The following LRRC8D variants were observed in gnomAD, a reference collection of about 807,000 sequenced individuals.
LRRC8D encodes the protein leucine rich repeat containing 8 VRAC subunit D, also known as volume-regulated anion channel subunit LRRC8D.
Under a neutral mutation model 55.8 loss-of-function variants are expected in LRRC8D, and 20 were observed. That is an observed-to-expected ratio of 0.36 (90% CI 0.25 to 0.52). The LOEUF is 0.52. Ranked by LOEUF, LRRC8D falls within the 20% of genes least tolerant of loss-of-function variation. The pLI, the probability that LRRC8D is intolerant of heterozygous loss-of-function variation, is 0.93. For synonymous variants in LRRC8D, 352 were observed against 377.0 expected, an observed-to-expected ratio of 0.93 and a Z score of 0.77; for missense variants, 651 against 1,030.8, an observed-to-expected ratio of 0.63 and a Z score of 5.05.
At position 89,933,718 on chromosome 1, in the gene LRRC8D, C is replaced by T; in HGVS notation, c.650C>T (p.Ala217Val). 6.2e-7 allele frequency: 1 copy of T among 1,614,112 alleles called. No homozygotes were observed. Among genetic ancestry groups the T allele is most frequent in the Non-Finnish European group, 8.5e-7 (1 of 1,180,018 alleles). The part of the protein sequence containing the change: ...PWTTKALSET[A>V]CEDSEENKQR... ...ACGACAAAAGCGTTGTCTGAGACAGCATGCGAAGACTCAGAGGAAAACAAG... is the reference window on the plus strand; with the variant it reads ...ACGACAAAAGCGTTGTCTGAGACAGTATGCGAAGACTCAGAGGAAAACAAG... The change falls in exon 3 of 3, where the codon GCA (alanine) becomes GTA (valine). Residue 217 changes from alanine to valine, a missense_variant. Around this residue, in one of 5 missense-constraint regions of LRRC8D, gnomAD observed 178 missense variants for 374.9 expected, o/e 0.47. Transcript: ENST00000337338. The surrounding 1 kb of genome is among the most constrained non-coding windows in gnomAD (Gnocchi z 7.0).
intron 1 of LRRC8D, among the ~76,000 whole-genome samples, chr1:89,838,795 A>G (rs568359013): frequency 6.6e-6 from 1 of 152,222 alleles, no homozygotes; most frequent in African/African-American, 2.4e-5. Context: ...CAGTTTGATC[A>G]GTGGATCAGT....
chr1:89,890,198 T>TAAATA lies in LRRC8D; in HGVS notation c.-2-42855_-2-42851dup, dbSNP rs1553126658. Among the ~76,000 whole-genome samples the TAAATA allele has an allele frequency of 1.6e-4, 24 of 151,804 alleles. 3 individuals are homozygous for TAAATA. The highest frequency in any genetic ancestry group is 5.8e-4 in the African/African-American group (24 of 41,340). On this transcript the variant is annotated intron_variant, in intron 2 of 2. Transcript: ENST00000337338. Reference sequence around the variant, plus strand: ...GCAAGACTCTGTCTCAATAAATAAATAAATAAAATAAAATAAAAGCCTTGA... The same window carrying TAAATA: ...GCAAGACTCTGTCTCAATAAATAAATAAATAAAATAAAATAAAATAAAAGCCTTGA...
At chr1:89,843,023 TG>T (rs1208402013) in intron 1 of LRRC8D, 2 of 152,268 alleles carry the variant, frequency 1.3e-5, no homozygotes, top group Non-Finnish European at 2.9e-5. Flanking sequence ...GGCTGCTCTG[TG>T]TTGGCAGCTG....
intron 1 of LRRC8D, among the ~76,000 whole-genome samples, chr1:89,831,198 G>A (rs559605519): frequency 9.2e-5 from 14 of 152,212 alleles, no homozygotes; most frequent in Non-Finnish European, 1.5e-4. Context: ...GAGCCACCAC[G>A]CCTGGCCCAC....
intron 1 of LRRC8D, among the ~76,000 whole-genome samples, chr1:89,842,273 T>C (rs1407440353): frequency 1.4e-5 from 2 of 147,196 alleles, no homozygotes; most frequent in Admixed American, 1.3e-4. Context: ...GTAGGGGAAA[T>C]GGTACAGATT....
intron 1 of LRRC8D, among the ~76,000 whole-genome samples, chr1:89,842,246 T>C (rs1422099420): frequency 2.7e-5 from 4 of 150,674 alleles, no homozygotes; most frequent in African/African-American, 9.8e-5. Flanking sequence ...TTTGTGATCA[T>C]TGTAGGAATT....
intron 2 of LRRC8D, among the ~76,000 whole-genome samples, chr1:89,918,708 G>C (rs1663337955): frequency 6.6e-6 from 1 of 151,000 alleles, no homozygotes; most frequent in East Asian, 1.9e-4. Flanking sequence ...TTAATTATGA[G>C]TCAAACTACA....
intron 2 of LRRC8D, among the ~76,000 whole-genome samples, chr1:89,863,469 A>C (rs1472565523): frequency 6.6e-6 from 1 of 152,190 alleles, no homozygotes; most frequent in African/African-American, 2.4e-5. Flanking sequence ...TAGTGATCCT[A>C]ATAACCTGGA....
At chr1:89,827,587 C>G (rs940710025) in intron 1 of LRRC8D, among the ~76,000 whole-genome samples, 1 of 152,156 alleles carries the variant, frequency 6.6e-6, no homozygotes, top group East Asian at 1.9e-4. Flanking sequence ...TTTCTAGCAC[C>G]TGGAAAGAGT....
At chr1:89,857,586 T>C (rs951785699) in intron 2 of LRRC8D, among the ~76,000 whole-genome samples, 1 of 152,146 alleles carries the variant, frequency 6.6e-6, no homozygotes, top group African/African-American at 2.4e-5. Context: ...GATTCTAAAA[T>C]GTATACCCTC....
intron 1 of LRRC8D, among the ~76,000 whole-genome samples, chr1:89,823,372 G>A (rs1660686342): frequency 6.6e-6 from 1 of 151,912 alleles, no homozygotes; most frequent in Non-Finnish European, 1.5e-5. Context: ...AAAAAACTAG[G>A]CCCCTTTTCC....
intron 2 of LRRC8D, among the ~76,000 whole-genome samples, chr1:89,868,557 T>A (rs1470259871): frequency 6.6e-6 from 1 of 152,008 alleles, no homozygotes; most frequent in Admixed American, 6.5e-5. Context: ...GGCACATCAA[T>A]TTTTTACAAT....
chr1:89,873,257 A>G (rs1367915713), intron 2 of LRRC8D, among the ~76,000 whole-genome samples: 1 of 152,270 alleles, frequency 6.6e-6, no homozygotes, highest in Non-Finnish European at 1.5e-5. Flanking sequence ...TTGCAAAATA[A>G]CAAAGGCTTC....
intron 2 of LRRC8D, among the ~76,000 whole-genome samples, chr1:89,869,257 C>T (rs1357584081): frequency 6.6e-6 from 1 of 152,098 alleles, no homozygotes; most frequent in Non-Finnish European, 1.5e-5. Flanking sequence ...TTGGCCTGTG[C>T]TGACTAGAAT....
chr1:89,934,002 A>C lies in LRRC8D; in HGVS notation c.934A>C (p.Thr312Pro). 6.2e-7 allele frequency: 1 copy of C among 1,614,192 alleles called. No homozygotes were observed. Among genetic ancestry groups the C allele is most frequent in the Non-Finnish European group, 8.5e-7 (1 of 1,180,030 alleles). ...GATCTATAAACTCTATGTGGTCCAA[A>C]CAGTTATCAAAACAGCCAAGTTCAT... is the stretch of plus-strand genomic sequence containing the variant. Reference protein sequence around the residue: ...DLIYKLYVVQTVIKTAKFIFI... With the variant: ...DLIYKLYVVQPVIKTAKFIFI... The change falls in exon 3 of 3, where the codon ACA (threonine) becomes CCA (proline). Residue 312 changes from threonine to proline, a missense_variant. By Grantham distance (38) the Thr-to-Pro change is conservative. Coordinates refer to ENST00000337338, the MANE Select transcript of LRRC8D (RefSeq NM_001134479.2). This position sits in a 1 kb window ranked among gnomAD's most constrained non-coding sequence, Gnocchi z 5.9.
At position 89,934,729 on chromosome 1, in the gene LRRC8D, C is replaced by T. The variant is rs370360483; in HGVS notation, c.1661C>T (p.Ala554Val). 3.1e-6 allele frequency: 5 copies of T among 1,614,012 alleles called. No individual in the cohort carries two copies. Among genetic ancestry groups the T allele is most frequent in the Admixed American group, 3.3e-5 (2 of 60,006 alleles). Residue 554 changes from alanine (A) to valine (V), a missense_variant, in exon 3 of 3, where the codon GCC (alanine) becomes GTC (valine). This residue lies in a region of LRRC8D where 338 missense variants were observed against 479.4 expected (regional missense o/e 0.71). Coordinates refer to ENST00000337338, the MANE Select transcript of LRRC8D (RefSeq NM_001134479.2). The surrounding 1 kb of genome is among the most constrained non-coding windows in gnomAD (Gnocchi z 5.9). ...VKFTDVAEIP[A>V]WVYLLKNLRE... ...TTCACTGATGTGGCTGAAATTCCTGCCTGGGTGTATTTGCTCAAAAACCTT... is the reference window on the plus strand; with the variant it reads ...TTCACTGATGTGGCTGAAATTCCTGTCTGGGTGTATTTGCTCAAAAACCTT...
chr1:89,935,692 T>C lies in LRRC8D; in HGVS notation c.*47T>C, dbSNP rs777781014. ...TGATGTGCAGGAACAACTTCCTAGA[T>C]TGCAAGTGCTCACGTACAAGTTATT... is the stretch of plus-strand genomic sequence containing the variant. On this transcript the variant is annotated 3_prime_UTR_variant, in exon 3 of 3. Transcript: ENST00000337338. 5 of 1,538,310 alleles carry C rather than the reference T, an allele frequency of 3.3e-6. No homozygotes were observed. Among genetic ancestry groups the C allele is most frequent in the Non-Finnish European group, 4.5e-6 (5 of 1,121,604 alleles).
chr1:89,931,525 C>T (rs951741665), intron 2 of LRRC8D, among the ~76,000 whole-genome samples: 7 of 152,088 alleles, frequency 4.6e-5, no homozygotes, highest in Admixed American at 4.6e-4. Context: ...CTTTGGGAGG[C>T]CAAGGTGGGC....
At chr1:89,924,313 G>GA (rs1663499582) in intron 2 of LRRC8D, among the ~76,000 whole-genome samples, 2 of 152,104 alleles carry the variant, frequency 1.3e-5, no homozygotes, top group Admixed American at 1.3e-4. Context: ...ACAAATATAT[G>GA]AAAAAATGCT....
Sources: gnomAD v4.1 joint callset for allele counts (sites outside exome capture counted in the v4.1 genomes callset) on GRCh38, gnomAD v4.1.1 for gene constraint, gnomAD v4.1.1 regional missense constraint, Gnocchi (gnomAD v3.1) non-coding constraint, MANE v1.5 for transcripts, NCBI Gene and HGNC (gene_info 2026-07-23, HGNC 2026-07-21) for gene names.